Variants in PXK observed in about 807,000 individuals in gnomAD.
PXK encodes the protein PX domain containing serine/threonine kinase like.
In PXK, 35 loss-of-function variants were observed where a neutral mutation model predicts 84.7. That is an observed-to-expected ratio of 0.41 (90% CI 0.32 to 0.55). The LOEUF is 0.55. Ranked by LOEUF, PXK falls within the 20% of genes least tolerant of loss-of-function variation. The pLI is 0.21. For synonymous variants in PXK, 253 were observed against 260.8 expected, an observed-to-expected ratio of 0.97 and a Z score of 0.29; for missense variants, 634 against 699.7, an observed-to-expected ratio of 0.91 and a Z score of 1.06.
At chr3:58,408,475 T>A (rs2059705305) in intron 13 of PXK, among the ~76,000 whole-genome samples, 1 of 152,108 alleles carries the variant, frequency 6.6e-6, no homozygotes, top group African/African-American at 2.4e-5. Flanking sequence ...CAAAAGTGGC[T>A]GGGGTAGGAT....
chr3:58,337,547 G>A (rs1035739335), intron 1 of PXK, among the ~76,000 whole-genome samples: 4 of 151,854 alleles, frequency 2.6e-5, no homozygotes, highest in African/African-American at 9.7e-5. Flanking sequence ...CACAGCTCAC[G>A]GCAACCTCAG....
chr3:58,372,587 G>C (rs1438345674), intron 3 of PXK, among the ~76,000 whole-genome samples: 1 of 151,146 alleles, frequency 6.6e-6, no homozygotes, highest in African/African-American at 2.4e-5. Context: ...CTCCCAAAGT[G>C]CTGGGATTAC....
chr3:58,399,221 T>C lies in PXK; in HGVS notation c.1103-78T>C. On this transcript the variant is annotated intron_variant, in intron 11 of 17. Coordinates refer to ENST00000356151, the MANE Select transcript of PXK (RefSeq NM_017771.5). This position sits in a 1 kb window ranked among gnomAD's most constrained non-coding sequence, Gnocchi z 4.3. ...CAGCCCGCAGACAGTTATTGCAAAG[T>C]GGTGTTAAACTTTTCATCAGCAAGT... The C allele has an allele frequency of 4.8e-6, 6 of 1,239,842 alleles. No individual in the cohort carries two copies. The highest frequency in any genetic ancestry group is 7.1e-6 in the Non-Finnish European group (6 of 843,092). The allele number at this position is 1,239,842 out of a possible 1,614,324, so 76.8% of individuals were successfully genotyped here. A position where few individuals can be genotyped will look rare whatever the true frequency, so the allele number is the denominator to read the frequency against.
At chr3:58,373,463 A>G (rs1221981642) in intron 3 of PXK, among the ~76,000 whole-genome samples, 1 of 152,130 alleles carries the variant, frequency 6.6e-6, no homozygotes, top group Non-Finnish European at 1.5e-5. Context: ...TTATAGCACA[A>G]ATGTTTTGTA....
chr3:58,369,685 G>A (rs551078551), intron 3 of PXK, among the ~76,000 whole-genome samples: 6 of 152,178 alleles, frequency 3.9e-5, no homozygotes, highest in African/African-American at 7.2e-5. Flanking sequence ...TTAGCCAGGC[G>A]TGGTGGCGCG....
chr3:58,346,210 A>T (rs1272153212), intron 1 of PXK, among the ~76,000 whole-genome samples: 2 of 152,192 alleles, frequency 1.3e-5, no homozygotes, highest in Non-Finnish European at 2.9e-5. Context: ...AGGCTAAGGA[A>T]TCTGAACAAC....
At chr3:58,336,529 T>C (rs1210279703) in intron 1 of PXK, among the ~76,000 whole-genome samples, 1 of 152,100 alleles carries the variant, frequency 6.6e-6, no homozygotes, top group Non-Finnish European at 1.5e-5. Flanking sequence ...AGGTTAGGTT[T>C]GGAGGAAGAA....
At position 58,412,785 on chromosome 3, in the gene PXK, A is replaced by G; in HGVS notation, c.1466-116A>G. The G allele has an allele frequency of 9.8e-7, 1 of 1,025,356 alleles. No individual in the cohort carries two copies. 63.5% of individuals were successfully genotyped at this position (1,025,356 alleles called of 1,614,324 possible). On this transcript the variant is annotated intron_variant, in intron 16 of 17. Coordinates refer to ENST00000356151, the MANE Select transcript of PXK (RefSeq NM_017771.5). The surrounding 1 kb of genome is among the most constrained non-coding windows in gnomAD (Gnocchi z 6.2). Reference sequence around the variant, plus strand: ...TTTGTCCCTCATCATCTTGTTTCACAAGGCTCACACACTAAGCCAAATGTA... The same window carrying G: ...TTTGTCCCTCATCATCTTGTTTCACGAGGCTCACACACTAAGCCAAATGTA...
chr3:58,368,856 A>G (rs1050305326), intron 2 of PXK, among the ~76,000 whole-genome samples: 1 of 152,228 alleles, frequency 6.6e-6, no homozygotes, highest in African/African-American at 2.4e-5. Flanking sequence ...AGCCTAATCA[A>G]TGGCATTAAT....
intron 7 of PXK, 139 bp from the exon 8 acceptor site, chr3:58,394,859 A>G (rs1218738072): frequency 8.9e-6 from 5 of 562,432 alleles, no homozygotes; most frequent in East Asian, 2.8e-5. Context: ...TGAAAATGCC[A>G]TGTGTTCAGG....
chr3:58,413,312 C>T, intron 17 of PXK: 1 of 284,878 alleles, frequency 3.5e-6, no homozygotes. Flanking sequence ...GGGGTCCCGT[C>T]CTGCCAGGCC....
In PXK at chr3:58,336,231, A is replaced by C. The variant is rs371174470; in HGVS notation, c.102+3141A>C. The stretch of plus-strand genomic sequence containing the variant: ...CAGCTGGGAAACCACCTATAACAGA[A>C]ATGATTTAGGATTTGTGAACTTGGT... On this transcript the variant is annotated intron_variant, in intron 1 of 17. Coordinates refer to ENST00000356151, the MANE Select transcript of PXK (RefSeq NM_017771.5). 2.8e-4 allele frequency among the ~76,000 whole-genome samples: 42 copies of C among 151,582 alleles called. No individual in the cohort carries two copies. In the South Asian group the frequency reaches 3.8e-3, roughly 14 times the overall value.
chr3:58,346,862 G>A (rs1028294416), intron 1 of PXK, among the ~76,000 whole-genome samples: 9 of 151,824 alleles, frequency 5.9e-5, no homozygotes, highest in African/African-American at 1.5e-4. Context: ...TGGGGGGCAC[G>A]GAGTCTGGCT....
chr3:58,403,685 C>T (rs1050353070), intron 12 of PXK, among the ~76,000 whole-genome samples, 177 bp from the exon 13 acceptor site: 2 of 152,186 alleles, frequency 1.3e-5, no homozygotes, highest in African/African-American at 4.8e-5. Context: ...ACTGGGCCAC[C>T]TGCAAATCCC....
At chr3:58,378,505 TTTTTTTTTGTGTGTGTGTGTGTG>T (rs1224223976) in intron 3 of PXK, among the ~76,000 whole-genome samples, 4 of 81,746 alleles carry the variant, frequency 4.9e-5, no homozygotes, top group Non-Finnish European at 7.7e-5. Flanking sequence ...TTTTTTTTTT[TTTTTTTTTGTGTGTGTGTGTGTG>T]TGTGTGTGTG....
At position 58,385,923 on chromosome 3, in the gene PXK, C is replaced by T. The variant is rs962228553; in HGVS notation, c.388+3223C>T. Among the ~76,000 whole-genome samples the T allele has an allele frequency of 1.3e-5, 2 of 152,304 alleles. No homozygotes were observed. ...GTGTTCAAGTGGTGGCCAGAATCAG[C>T]AGAGCACTTTTCCTGGTCCTTGCTC... On this transcript the variant is annotated intron_variant, in intron 4 of 17. Transcript: ENST00000356151. This position sits in a 1 kb window ranked among gnomAD's most constrained non-coding sequence, Gnocchi z 5.1.
intron 1 of PXK, among the ~76,000 whole-genome samples, chr3:58,342,380 T>A (rs1295153334): frequency 1.3e-5 from 2 of 150,022 alleles, no homozygotes; most frequent in African/African-American, 2.4e-5. Context: ...CGGTGGCTCT[T>A]GCCTGTAATC....
chr3:58,410,310 G>A (rs2060008878), intron 16 of PXK, 151 bp downstream of exon 16: 1 of 571,044 alleles, frequency 1.8e-6, no homozygotes, highest in East Asian at 2.7e-5. Context: ...TCTAATGAAA[G>A]ATTGCAACAG....
intron 1 of PXK, among the ~76,000 whole-genome samples, chr3:58,337,799 A>G (rs994640645): frequency 6.6e-6 from 1 of 152,168 alleles, no homozygotes; most frequent in Non-Finnish European, 1.5e-5. Context: ...TTCATAAAAC[A>G]GATGGTTTTA....
Sources: gnomAD v4.1 joint callset for allele counts (sites outside exome capture counted in the v4.1 genomes callset) on GRCh38, gnomAD v4.1.1 for gene constraint, Gnocchi (gnomAD v3.1) non-coding constraint, MANE v1.5 for transcripts, NCBI Gene and HGNC (gene_info 2026-07-23, HGNC 2026-07-21) for gene names.